The following UBAP2L variants were observed in gnomAD, a reference collection of about 807,000 sequenced individuals.
UBAP2L encodes the protein ubiquitin-associated protein 2-like.
UBAP2L carries 12 observed loss-of-function variants against 130.6 expected under a neutral mutation model. The observed-to-expected ratio is 0.09, with a 90% confidence interval of 0.06 to 0.15. UBAP2L has a LOEUF of 0.15. UBAP2L is among the 10% of genes least tolerant of loss of function. UBAP2L has a pLI of 1.00. For synonymous variants in UBAP2L, 503 were observed against 524.7 expected (o/e 0.96, Z 0.57); for missense variants, 965 against 1,332.5 (o/e 0.72, Z 4.29).
In UBAP2L at chr1:154,257,227, C is replaced by T. The variant is rs201376065; in HGVS notation, c.2322C>T (p.Ala774=). 1.3e-5 allele frequency: 21 copies of T among 1,614,094 alleles called. No homozygotes were observed. The highest frequency in any genetic ancestry group is 1.8e-5 in the Non-Finnish European group (21 of 1,180,038). ...LSLGSNSTVT[A]STRSSVATTS... is the part of the protein sequence containing the mutation. ...TAGGCAGCAACTCCACTGTCACAGC[C>T]TCGACTCGAAGCTCAGTTGCTACGA... The change falls in exon 19 of 27, where the codon GCC becomes GCT. Residue 774 remains alanine, a synonymous_variant. Coordinates refer to ENST00000428931, the MANE Select transcript of UBAP2L (RefSeq NM_014847.4).
At chr1:154,263,413 G>A in intron 24 of UBAP2L, 1 of 1,243,326 alleles carries the variant, frequency 8.0e-7, no homozygotes, top group African/African-American at 1.6e-5. Context: ...GCACACACCT[G>A]CTGTTGCTTT....
At position 154,269,447 on chromosome 1, in the gene UBAP2L, C is replaced by T. The variant is rs540637857; in HGVS notation, c.3168+493C>T. The T allele has an allele frequency of 5.2e-5, 68 of 1,303,012 alleles. No homozygotes were observed. The South Asian group carries it at 6.2e-4, about 12-fold the overall frequency. The allele number at this position is 1,303,012 out of a possible 1,614,324, so 80.7% of individuals were successfully genotyped here. ...TTGAATGATCATATGCTTGAACCCA[C>T]TCCTTTTCAGTCCCCATTTCACCTT... is the stretch of plus-strand genomic sequence containing the variant. On this transcript the variant is annotated intron_variant, in intron 26 of 26. Transcript: ENST00000428931.
At chr1:154,259,903 A>G (rs1202848356) in intron 21 of UBAP2L, 45 bp from the exon 22 acceptor site, 6 of 1,547,982 alleles carry the variant, frequency 3.9e-6, no homozygotes, top group Non-Finnish European at 4.5e-6. Context: ...CATGCTGGGG[A>G]ATGAGTGACA....
At chr1:154,236,391 G>A (rs1275277559) in intron 6 of UBAP2L, among the ~76,000 whole-genome samples, 175 bp from the exon 7 acceptor site, 1 of 152,056 alleles carries the variant, frequency 6.6e-6, no homozygotes, top group East Asian at 1.9e-4. Flanking sequence ...TAGAGATAGG[G>A]TTTTGCTCTA....
Position 154,261,669 on chromosome 1 carries a change from TGGA to T in UBAP2L, c.2875_2877del (p.Gly959del). ...CGGCCACCCCTTTCCAACAGCCGAG[TGGA>T]TATGGGTCTCATGGATACAACACTG... On this transcript the variant is annotated inframe_deletion, in exon 24 of 27. Transcript: ENST00000428931. 6.2e-7 allele frequency: 1 copy of T among 1,613,904 alleles called. No individual in the cohort carries two copies. Among genetic ancestry groups the T allele is most frequent in the Non-Finnish European group, 8.5e-7 (1 of 1,179,980 alleles).
intron 11 of UBAP2L, 64 bp downstream of exon 11, chr1:154,246,439 T>C: frequency 6.6e-7 from 1 of 1,522,584 alleles, no homozygotes. Context: ...ACATACACAG[T>C]TCCTTCCAAA....
At chr1:154,265,937 C>T (rs1036176847) in intron 24 of UBAP2L, among the ~76,000 whole-genome samples, 1 of 152,078 alleles carries the variant, frequency 6.6e-6, no homozygotes, top group Non-Finnish European at 1.5e-5. Flanking sequence ...AAGATTTAGC[C>T]TAGATGCTCC....
Position 154,236,940 on chromosome 1 carries a change from A to G in UBAP2L, c.591-84A>G, listed in dbSNP as rs547004323. 4.4e-5 allele frequency: 44 copies of G among 1,011,034 alleles called. No individual in the cohort carries two copies. The Admixed American group carries it at 5.8e-4, about 13-fold the overall frequency. 62.6% of individuals were successfully genotyped at this position (1,011,034 alleles called of 1,614,324 possible). On this transcript the variant is annotated intron_variant, in intron 7 of 26. Transcript: ENST00000428931. ...CCATGACAGATTTGTACTAGGAAGG[A>G]TGCAGTCAAGATTTTGATTCTTTGA... is the stretch of plus-strand genomic sequence containing the variant.
intron 9 of UBAP2L, 23 bp downstream of exon 9, chr1:154,241,588 T>C (rs1571752253): frequency 6.2e-7 from 1 of 1,613,648 alleles, no homozygotes; most frequent in East Asian, 2.2e-5. Context: ...AGGTCATTCC[T>C]CACTAATGCC....
In UBAP2L at chr1:154,259,887, A is replaced by G. The variant is rs78059515; in HGVS notation, c.2497-61A>G. 4,729 of 1,500,514 alleles carry G rather than the reference A, an allele frequency of 3.2e-3. 16 individuals are homozygous for G. Among genetic ancestry groups the G allele is most frequent in the Non-Finnish European group, 3.8e-3 (4,129 of 1,076,714 alleles). 92.9% of individuals were successfully genotyped at this position (1,500,514 alleles called of 1,614,324 possible). On this transcript the variant is annotated intron_variant, in intron 21 of 26. Coordinates refer to ENST00000428931, the MANE Select transcript of UBAP2L (RefSeq NM_014847.4). ...CTTCTGTTTTTTCCTCCGTGGAAAT[A>G]GTACTCATGCTGGGGAATGAGTGAC...
At chr1:154,258,307 C>G (rs1015148939) in intron 20 of UBAP2L, among the ~76,000 whole-genome samples, 2 of 152,120 alleles carry the variant, frequency 1.3e-5, no homozygotes, top group Non-Finnish European at 2.9e-5. Flanking sequence ...TGATTAAATC[C>G]CTAACTCTGA....
chr1:154,257,214 C>G lies in UBAP2L; in HGVS notation c.2309C>G (p.Ser770Cys). ...SSLGLSLGSN[S>C]TVTASTRSSV... Reference sequence around the variant, plus strand: ...CTGGGCCTCAGCCTAGGCAGCAACTCCACTGTCACAGCCTCGACTCGAAGC... The same window carrying G: ...CTGGGCCTCAGCCTAGGCAGCAACTGCACTGTCACAGCCTCGACTCGAAGC... Residue 770 changes from serine to cysteine, a missense_variant, in exon 19 of 27, where the codon TCC (serine) becomes TGC (cysteine). Transcript: ENST00000428931. The G allele has an allele frequency of 1.2e-6, 2 of 1,614,242 alleles. No individual in the cohort carries two copies. Among genetic ancestry groups the G allele is most frequent in the Non-Finnish European group, 1.7e-6 (2 of 1,180,042 alleles).
chr1:154,230,970 T>C (rs1383163152), intron 4 of UBAP2L, among the ~76,000 whole-genome samples: 1 of 152,224 alleles, frequency 6.6e-6, no homozygotes, highest in African/African-American at 2.4e-5. Flanking sequence ...TTCTAAAAGC[T>C]GTTTTGAGTC....
At chr1:154,232,113 G>A (rs532237506) in intron 4 of UBAP2L, among the ~76,000 whole-genome samples, 64 of 152,158 alleles carry the variant, frequency 4.2e-4, no homozygotes, top group African/African-American at 1.4e-3. Context: ...CGGATCACGA[G>A]GTCAAGTGAT....
At chr1:154,267,612 G>A (rs980098860) in intron 25 of UBAP2L, among the ~76,000 whole-genome samples, 1 of 150,926 alleles carries the variant, frequency 6.6e-6, no homozygotes, top group South Asian at 2.1e-4. Flanking sequence ...TACACCACCA[G>A]GCCTGCCTAA....
chr1:154,266,399 G>A, intron 24 of UBAP2L, 102 bp from the exon 25 acceptor site: 1 of 1,258,756 alleles, frequency 7.9e-7, no homozygotes, highest in Non-Finnish European at 1.2e-6. Context: ...AAATTCCCTT[G>A]CATTGGTATA....
rs1671014319 is a variant in UBAP2L at position 154,234,573 on chromosome 1, T to C, written c.280-18T>C. The C allele has an allele frequency of 6.2e-7, 1 of 1,613,748 alleles. No individual in the cohort carries two copies. Among genetic ancestry groups the C allele is most frequent in the East Asian group, 2.2e-5 (1 of 44,872 alleles). On this transcript the variant is annotated intron_variant, in intron 4 of 26. Transcript: ENST00000428931. ...GCACTCCATATTGATTAGATATGAA[T>C]GCTCTACCCTTCTATAGCATTCCTG... is the stretch of plus-strand genomic sequence containing the variant.
At chr1:154,228,817 C>A in intron 4 of UBAP2L, 92 bp downstream of exon 4, 1 of 872,516 alleles carries the variant, frequency 1.1e-6, no homozygotes, top group Non-Finnish European at 1.7e-6. Context: ...TACCTTAAAG[C>A]AGAGCACCTT....
chr1:154,251,425 G>T (rs1235568046), intron 13 of UBAP2L, 56 bp from the exon 14 acceptor site: 1 of 1,577,752 alleles, frequency 6.3e-7, no homozygotes, highest in Non-Finnish European at 8.6e-7. Flanking sequence ...GTTTTTTTTA[G>T]TCTTTAGTAA....
Sources: gnomAD v4.1 joint callset for allele counts (sites outside exome capture counted in the v4.1 genomes callset) on GRCh38, gnomAD v4.1.1 for gene constraint, MANE v1.5 for transcripts, NCBI Gene and HGNC (gene_info 2026-07-23, HGNC 2026-07-21) for gene names.